FHIP1A: variants seen among roughly 807,000 people sequenced by gnomAD.
FHIP1A encodes FHF complex subunit HOOK-interacting protein 1A.
Under a neutral mutation model 88.6 loss-of-function variants are expected in FHIP1A, and 61 were observed. The observed-to-expected ratio is 0.69, with a 90% CI of 0.56 to 0.85. The LOEUF is 0.85. Ranked by LOEUF, FHIP1A falls within the 40% of genes least tolerant of loss-of-function variation. FHIP1A has a pLI of 0.00. For missense variants in FHIP1A, 1,154 were observed against 1,273.5 expected, an observed-to-expected ratio of 0.91 and a Z score of 1.43; for synonymous variants, 478 against 496.0, an observed-to-expected ratio of 0.96 and a Z score of 0.48.
At chr4:151,497,751 G>A (rs1464987059) in intron 3 of FHIP1A, among the ~76,000 whole-genome samples, 2 of 152,204 alleles carry the variant, frequency 1.3e-5, no homozygotes, top group Non-Finnish European at 2.9e-5. Context: ...ATGTTGACAA[G>A]CATTGTCCTT....
intron 3 of FHIP1A, among the ~76,000 whole-genome samples, chr4:151,563,227 A>G (rs146396503): frequency 2.0e-5 from 3 of 152,284 alleles, no homozygotes; most frequent in Admixed American, 2.0e-4. Context: ...TTGACAGCTC[A>G]TCTCTTTCTT....
intron 3 of FHIP1A, among the ~76,000 whole-genome samples, chr4:151,540,908 G>C (rs1732260056): frequency 6.6e-6 from 1 of 152,086 alleles, no homozygotes; most frequent in South Asian, 2.1e-4. Context: ...AAGACAACTT[G>C]GATAAACAAC....
chr4:151,420,564 A>G (rs1247760217), intron 1 of FHIP1A, among the ~76,000 whole-genome samples: 2 of 152,168 alleles, frequency 1.3e-5, no homozygotes, highest in Non-Finnish European at 2.9e-5. Flanking sequence ...TTCCTGTAGT[A>G]GTTTCCTGGC....
At chr4:151,444,835 G>T (rs1461502587) in intron 1 of FHIP1A, among the ~76,000 whole-genome samples, 1 of 152,126 alleles carries the variant, frequency 6.6e-6, no homozygotes, top group Non-Finnish European at 1.5e-5. Context: ...CTTTTTAAAA[G>T]AGGATTACAA....
intron 3 of FHIP1A, among the ~76,000 whole-genome samples, chr4:151,506,034 C>T (rs1005726285): frequency 6.6e-6 from 1 of 152,186 alleles, no homozygotes; most frequent in Non-Finnish European, 1.5e-5. Flanking sequence ...GTGATCCTCC[C>T]ACCTCAGCCT....
intron 3 of FHIP1A, chr4:151,533,005 G>T (rs756442285): frequency 6.6e-6 from 1 of 152,238 alleles, no homozygotes; most frequent in Non-Finnish European, 1.5e-5. Flanking sequence ...GTTGAAGTTT[G>T]GGGGCACAGC....
At chr4:151,619,964 G>C (rs1735674280) in intron 7 of FHIP1A, among the ~76,000 whole-genome samples, 1 of 152,178 alleles carries the variant, frequency 6.6e-6, no homozygotes, top group Non-Finnish European at 1.5e-5. Flanking sequence ...AAAGGAAGCA[G>C]GGAAATGTGG....
At chr4:151,515,274 C>A (rs1731186391) in intron 3 of FHIP1A, among the ~76,000 whole-genome samples, 4 of 150,590 alleles carry the variant, frequency 2.7e-5, no homozygotes, top group Admixed American at 2.6e-4. Flanking sequence ...TAAAAACTCT[C>A]AATAAATTAG....
intron 10 of FHIP1A, among the ~76,000 whole-genome samples, chr4:151,648,068 A>T (rs1361468159): frequency 1.3e-5 from 2 of 152,114 alleles, no homozygotes; most frequent in South Asian, 4.2e-4. Flanking sequence ...GCCCTAATGG[A>T]TGGGTGGTGA....
intron 2 of FHIP1A, among the ~76,000 whole-genome samples, chr4:151,458,688 C>T (rs1248286214): frequency 2.0e-5 from 3 of 152,106 alleles, no homozygotes; most frequent in Non-Finnish European, 2.9e-5. Flanking sequence ...GAATAAATAA[C>T]TAAAATGTAT....
In FHIP1A at chr4:151,602,213, A is replaced by G. The variant is rs114947631; in HGVS notation, c.978+13287A>G. On this transcript the variant is annotated intron_variant, in intron 7 of 13. Coordinates refer to ENST00000435205, the MANE Select transcript of FHIP1A (RefSeq NM_001109977.3). ...ACCTCCTCTTTCCTCCTTACAGGGT[A>G]TGAAAATCAAATATAAGTGTGTTCT... is the stretch of plus-strand genomic sequence containing the variant. 3.0e-3 allele frequency among the ~76,000 whole-genome samples: 461 copies of G among 152,292 alleles called. 1 individual carries two copies. Among genetic ancestry groups the G allele is most frequent in the Non-Finnish European group, 5.4e-3 (370 of 68,028 alleles).
At chr4:151,577,428 C>T in intron 4 of FHIP1A, 22 bp from the exon 5 acceptor site, 3 of 1,499,636 alleles carry the variant, frequency 2.0e-6, no homozygotes, top group Non-Finnish European at 2.7e-6. Context: ...AGATGGATGA[C>T]AAATGCTTGA....
chr4:151,588,937 G>A lies in FHIP1A; in HGVS notation c.978+11G>A, dbSNP rs766735200. 5 of 1,502,460 alleles carry A rather than the reference G, an allele frequency of 3.3e-6. No homozygotes were observed. The highest frequency in any genetic ancestry group is 4.5e-6 in the Non-Finnish European group (5 of 1,102,478). 93.1% of individuals were successfully genotyped at this position (1,502,460 alleles called of 1,614,324 possible). A position where few individuals can be genotyped will look rare whatever the true frequency, so the allele number is the denominator to read the frequency against. ...CCTGCTCTCCATAAGGTCAGTGATT[G>A]GCTCATGTAATCTTCTGTCTCTATA... On this transcript the variant is annotated intron_variant, in intron 7 of 13. Transcript: ENST00000435205.
chr4:151,661,012 G>T (rs1737435764), intron 13 of FHIP1A, among the ~76,000 whole-genome samples: 1 of 152,202 alleles, frequency 6.6e-6, no homozygotes, highest in Non-Finnish European at 1.5e-5. Flanking sequence ...TACAAATAAT[G>T]CCTCTAAGGC....
chr4:151,498,773 G>A (rs191028060), intron 3 of FHIP1A, among the ~76,000 whole-genome samples: 13 of 152,228 alleles, frequency 8.5e-5, no homozygotes, highest in African/African-American at 2.9e-4. Context: ...CCGAGATCAC[G>A]CCACTGCCCT....
intron 3 of FHIP1A, among the ~76,000 whole-genome samples, chr4:151,543,781 G>C (rs1732385165): frequency 6.6e-6 from 1 of 152,118 alleles, no homozygotes; most frequent in Non-Finnish European, 1.5e-5. Flanking sequence ...TTAGACTGTA[G>C]TGGACATATT....
At chr4:151,492,182 C>T (rs1730307060) in intron 3 of FHIP1A, among the ~76,000 whole-genome samples, 3 of 152,254 alleles carry the variant, frequency 2.0e-5, no homozygotes, top group South Asian at 2.1e-4. Context: ...ACATTCCACC[C>T]AACAACTGCA....
At chr4:151,534,034 G>T (rs1042842192) in intron 3 of FHIP1A, among the ~76,000 whole-genome samples, 1 of 152,196 alleles carries the variant, frequency 6.6e-6, no homozygotes, top group African/African-American at 2.4e-5. Flanking sequence ...TTTTGAGCAT[G>T]TAGACTTAAA....
intron 7 of FHIP1A, among the ~76,000 whole-genome samples, chr4:151,605,561 A>AT (rs1443066185): frequency 4.6e-5 from 7 of 152,148 alleles, no homozygotes; most frequent in African/African-American, 1.7e-4. Context: ...AGAAAAACTG[A>AT]TTTTTCCACC....
Sources: allele counts gnomAD v4.1 joint callset (sites outside exome capture counted in the v4.1 genomes callset), GRCh38; gene constraint gnomAD v4.1.1; transcripts MANE v1.5; gene names NCBI Gene and HGNC (gene_info 2026-07-23, HGNC 2026-07-21).